Variants in PRDM4 observed in about 807,000 individuals in gnomAD.
PRDM4 encodes the protein PR domain zinc finger protein 4.
PRDM4 carries 38 observed loss-of-function variants against 62.3 expected under a neutral mutation model. That is an observed-to-expected ratio of 0.61 (90% CI 0.47 to 0.80). The LOEUF (loss-of-function observed/expected upper bound fraction) is 0.80, where lower values mean the gene tolerates loss of function less well. Among genes scored for constraint, PRDM4 ranks in the 30% least tolerant of loss-of-function variants. The probability of loss-of-function intolerance (pLI) is 0.00; values close to 1 mark genes in which losing one functional copy is unlikely to be tolerated. For synonymous variants in PRDM4, 339 were observed against 348.2 expected (o/e 0.97, Z 0.30); for missense variants, 858 against 997.1 (o/e 0.86, Z 1.88).
At chr12:107,739,945 TTCTA>T (rs1313691092) in intron 10 of PRDM4, among the ~76,000 whole-genome samples, 1 of 152,066 alleles carries the variant, frequency 6.6e-6, no homozygotes, top group Non-Finnish European at 1.5e-5. Flanking sequence ...TTTTATAGTT[TTCTA>T]TCTTTTTAAA....
intron 7 of PRDM4, among the ~76,000 whole-genome samples, chr12:107,744,156 C>T (rs1890613541): frequency 6.6e-6 from 1 of 152,036 alleles, no homozygotes; most frequent in Non-Finnish European, 1.5e-5. Flanking sequence ...ATCTTAGCTT[C>T]TTATTCCAGA....
At position 107,752,064 on chromosome 12, in the gene PRDM4, T is replaced by C. The variant is rs371616627; in HGVS notation, c.477A>G (p.Glu159=). The C allele has an allele frequency of 9.9e-6, 16 of 1,614,090 alleles. No homozygotes were observed. The highest frequency in any genetic ancestry group is 3.3e-5 in the Admixed American group (2 of 60,024). ...PYQSNGNVGL[E]PGIVSIDSRS... ...GAGAGTCTATTGAAACAATGCCTGGTTCTAATCCAACATTTCCATTGGACT... is the reference window on the plus strand; with the variant it reads ...GAGAGTCTATTGAAACAATGCCTGGCTCTAATCCAACATTTCCATTGGACT... The change falls in exon 5 of 12, where the codon GAA becomes GAG. Residue 159 remains glutamate, a synonymous_variant. Coordinates refer to ENST00000228437, the MANE Select transcript of PRDM4 (RefSeq NM_012406.4).
At position 107,746,331 on chromosome 12, in the gene PRDM4, C is replaced by T; in HGVS notation, c.1220G>A (p.Arg407Lys). The change falls in exon 6 of 12, where the codon AGG (arginine) becomes AAG (lysine). Residue 407 changes from arginine (R) to lysine (K), a missense_variant. Physicochemically the swap from Arg to Lys is conservative, Grantham distance 26. Coordinates refer to ENST00000228437, the MANE Select transcript of PRDM4 (RefSeq NM_012406.4). ...AACAAGCTGCTTTGGGAGAGAAAGC[C>T]TTGCTCTGCTCTCTATTGGAGTGTC... ...VPDTPIESRA[R>K]LSLPKQLVLR... is the part of the protein sequence containing the mutation. 1.9e-6 allele frequency: 3 copies of T among 1,614,142 alleles called. No homozygotes were observed. The South Asian group carries it at 3.3e-5, about 18-fold the overall frequency.
intron 2 of PRDM4, among the ~76,000 whole-genome samples, chr12:107,759,227 C>G (rs1891152856): frequency 1.3e-5 from 2 of 152,264 alleles, no homozygotes; most frequent in Non-Finnish European, 2.9e-5. Context: ...TACACGCCAG[C>G]TGGGGTGACA....
At position 107,734,452 on chromosome 12, in the gene PRDM4, TGAGATGCTTCTTTA is replaced by T; in HGVS notation, c.2150_2163del (p.Leu717Ter). ...TAATCCCGTTTTCCTTCATGAGAAT[TGAGATGCTTCTTTA>T]AGTGATTTGTTCTCAAGAACAGCTT... On this transcript the variant is annotated frameshift_variant, in exon 12 of 12. Transcript: ENST00000228437. LOFTEE classifies it high-confidence loss of function. 2 of 1,613,882 alleles carry T rather than the reference TGAGATGCTTCTTTA, an allele frequency of 1.2e-6. No individual in the cohort carries two copies. The highest frequency in any genetic ancestry group is 1.7e-6 in the Non-Finnish European group (2 of 1,179,732).
chr12:107,756,795 A>G, intron 3 of PRDM4, 37 bp downstream of exon 3: 1 of 1,611,086 alleles, frequency 6.2e-7, no homozygotes, highest in Non-Finnish European at 8.5e-7. Context: ...TAACAGAGTT[A>G]AGTGTTGAAA....
intron 2 of PRDM4, among the ~76,000 whole-genome samples, chr12:107,759,560 C>A (rs1413927416): frequency 1.3e-5 from 2 of 152,136 alleles, no homozygotes; most frequent in African/African-American, 4.8e-5. Context: ...TAGGCCTTCT[C>A]AAACCAGTTC....
intron 3 of PRDM4, 136 bp from the exon 4 acceptor site, chr12:107,754,245 G>A (rs1030480316): frequency 3.3e-6 from 2 of 610,748 alleles, no homozygotes; most frequent in Admixed American, 6.7e-5. Flanking sequence ...TTCATCCTTA[G>A]ATAATGTGCA....
At chr12:107,741,767 C>CACTTGGTAAAT (rs1348872406) in intron 9 of PRDM4, among the ~76,000 whole-genome samples, 1 of 152,152 alleles carries the variant, frequency 6.6e-6, no homozygotes, top group Non-Finnish European at 1.5e-5. Flanking sequence ...ACAAAGAAAG[C>CACTTGGTAAAT]ACTTGGTAAA....
At chr12:107,759,309 A>G (rs1891155260) in intron 2 of PRDM4, among the ~76,000 whole-genome samples, 1 of 152,162 alleles carries the variant, frequency 6.6e-6, no homozygotes, top group Admixed American at 6.5e-5. Flanking sequence ...ATCTACCTTA[A>G]TTTTGAAAGT....
chr12:107,758,010 G>C (rs1891114693), intron 2 of PRDM4, among the ~76,000 whole-genome samples: 1 of 152,068 alleles, frequency 6.6e-6, no homozygotes, highest in African/African-American at 2.4e-5. Flanking sequence ...CCTTACACTG[G>C]GCTTTATTCT....
rs567438501 is a variant in PRDM4 at position 107,735,112 on chromosome 12, C to T, written c.2094-590G>A. 2.5e-4 allele frequency among the ~76,000 whole-genome samples: 38 copies of T among 152,172 alleles called. No homozygotes were observed. The East Asian group carries it at 5.8e-3, about 23-fold the overall frequency. The stretch of plus-strand genomic sequence containing the variant: ...AACTCCTGGGCTCAAGTGATCTGTC[C>T]GCCTCAGCCTCCCAAGTACCTGGGA... On this transcript the variant is annotated intron_variant, in intron 11 of 11. Coordinates refer to ENST00000228437, the MANE Select transcript of PRDM4 (RefSeq NM_012406.4).
intron 4 of PRDM4, among the ~76,000 whole-genome samples, chr12:107,752,644 G>C (rs1364963930): frequency 6.6e-6 from 1 of 151,914 alleles, no homozygotes; most frequent in Non-Finnish European, 1.5e-5. Context: ...AGTCACAATT[G>C]TACCTGTTTT....
chr12:107,751,399 G>C lies in PRDM4; in HGVS notation c.1126+16C>G, dbSNP rs372738292. ...TTTACAAATATTTCCAAAAAAGAAA[G>C]GCTAAACACACTCACAAATTGTAAA... On this transcript the variant is annotated intron_variant, in intron 5 of 11. Transcript: ENST00000228437. 4 of 1,592,604 alleles carry C rather than the reference G, an allele frequency of 2.5e-6. No individual in the cohort carries two copies. In the African/African-American group the frequency reaches 5.4e-5, roughly 21 times the overall value.
In PRDM4 at chr12:107,734,293, G is replaced by A. The variant is rs1890258763; in HGVS notation, c.2323C>T (p.Leu775=). 1 of 1,614,058 alleles carries A rather than the reference G, an allele frequency of 6.2e-7. No individual in the cohort carries two copies. The highest frequency in any genetic ancestry group is 8.5e-7 in the Non-Finnish European group (1 of 1,180,044). The change falls in exon 12 of 12, where the codon CTA becomes TTA. Residue 775 remains leucine, a synonymous_variant. Transcript: ENST00000228437. ...TCTTCTGTCCCCACAGAGTCTGCTA[G>A]ATCTTCCTCTTCTGAGTCATCCTCT... ...EEEDDSEEED[L]ADSVGTEDCR...
rs2136340255 is a variant in PRDM4 at position 107,760,581 on chromosome 12, G to A, written c.-66C>T. 3.8e-6 allele frequency: 6 copies of A among 1,591,382 alleles called. No homozygotes were observed. The highest frequency in any genetic ancestry group is 4.5e-5 in the East Asian group (2 of 44,016). On this transcript the variant is annotated 5_prime_UTR_variant, in exon 2 of 12. The change creates a new upstream start codon in the 5' untranslated region. Transcript: ENST00000228437. Reference sequence around the variant, plus strand: ...GTGGGGAACAGGCATCAGGGTTTGCGTTCCAGGGTCACGTGCTACCACATC... The same window carrying A: ...GTGGGGAACAGGCATCAGGGTTTGCATTCCAGGGTCACGTGCTACCACATC...
Position 107,756,765 on chromosome 12 carries a change from T to C in PRDM4, c.145+67A>G, listed in dbSNP as rs752669823. 2.2e-5 allele frequency: 35 copies of C among 1,581,298 alleles called. No individual in the cohort carries two copies. The East Asian group carries it at 2.7e-4, about 12-fold the overall frequency. ...CCCTTAAAGGGGCTCTGATCTCTTC[T>C]AGACTCCATTTAGAATTGATAACAG... is the stretch of plus-strand genomic sequence containing the variant. On this transcript the variant is annotated intron_variant, in intron 3 of 11. Coordinates refer to ENST00000228437, the MANE Select transcript of PRDM4 (RefSeq NM_012406.4).
In PRDM4 at chr12:107,760,519, C is replaced by T. The variant is rs1891208731; in HGVS notation, c.-4G>A. ...TCCCTACTCACCTGTGATGCATCGG[C>T]TTGGGGCCAAATATCAGAGAAAGGA... On this transcript the variant is annotated 5_prime_UTR_variant, in exon 2 of 12. Transcript: ENST00000228437. 1 of 1,613,388 alleles carries T rather than the reference C, an allele frequency of 6.2e-7. No homozygotes were observed. The highest frequency in any genetic ancestry group is 1.7e-5 in the Admixed American group (1 of 59,898).
chr12:107,752,250 CATT>C, intron 4 of PRDM4, 41 bp from the exon 5 acceptor site: 4 of 1,436,180 alleles, frequency 2.8e-6, no homozygotes, highest in Non-Finnish European at 3.9e-6. Flanking sequence ...ACTTTTAGTA[CATT>C]ATTAAAGAAT....
Sources: gnomAD v4.1 joint callset for allele counts (sites outside exome capture counted in the v4.1 genomes callset) on GRCh38, gnomAD v4.1.1 for gene constraint, MANE v1.5 for transcripts, NCBI Gene and HGNC (gene_info 2026-07-23, HGNC 2026-07-21) for gene names.